Variants in GLIS2 observed in about 807,000 individuals in gnomAD.
GLIS2 encodes GLIS family zinc finger 2.
Under a neutral mutation model 35.6 loss-of-function variants are expected in GLIS2, and 14 were observed. The observed-to-expected ratio is 0.39, with a 90% CI of 0.26 to 0.61. The LOEUF (loss-of-function observed/expected upper bound fraction) is 0.61, where lower values mean the gene tolerates loss of function less well. Among genes scored for constraint, GLIS2 ranks in the 20% least tolerant of loss-of-function variants. GLIS2 has a pLI of 0.48. For synonymous variants in GLIS2, 368 were observed against 325.1 expected, an observed-to-expected ratio of 1.13 and a Z score of -1.42; for missense variants, 675 against 713.4, an observed-to-expected ratio of 0.95 and a Z score of 0.61.
chr16:4,327,619 G>T (rs1160929509), intron 1 of GLIS2, among the ~76,000 whole-genome samples: 1 of 152,112 alleles, frequency 6.6e-6, no homozygotes, highest in Admixed American at 6.5e-5. Context: ...TGCTCGGGCT[G>T]CGGTCGGGCA....
In GLIS2 at chr16:4,332,034, C is replaced by CT. The variant is rs1166880693; in HGVS notation, c.-66-180dup. ...CTCATGGGAAGCAGATGCGGAATCT[C>CT]TGAGGAGGCTGTTGGCTCTCCCCCC... On this transcript the variant is annotated intron_variant, in intron 1 of 6. Coordinates refer to ENST00000433375, the MANE Select transcript of GLIS2 (RefSeq NM_032575.3). This position sits in a 1 kb window ranked among gnomAD's most constrained non-coding sequence, Gnocchi z 5.4. Among the ~76,000 whole-genome samples, 1 of 152,202 alleles carries CT rather than the reference C, an allele frequency of 6.6e-6. No homozygotes were observed. The highest frequency in any genetic ancestry group is 1.5e-5 in the Non-Finnish European group (1 of 68,022).
At chr16:4,326,113 T>C (rs967714222) in intron 1 of GLIS2, among the ~76,000 whole-genome samples, 17 of 151,714 alleles carry the variant, frequency 1.1e-4, no homozygotes, top group African/African-American at 2.4e-4. Context: ...GGTGTGGTGG[T>C]GGGCGCCTGT....
In GLIS2 at chr16:4,335,741, A is replaced by C; in HGVS notation, c.775+348A>C. On this transcript the variant is annotated intron_variant, in intron 6 of 6. Coordinates refer to ENST00000433375, the MANE Select transcript of GLIS2 (RefSeq NM_032575.3). This position sits in a 1 kb window ranked among gnomAD's most constrained non-coding sequence, Gnocchi z 4.6. Reference sequence around the variant, plus strand: ...ACAGCTCTGGTTGTCAGAGCCACAGACATAATTTTACATTTCCTAATCGCT... The same window carrying C: ...ACAGCTCTGGTTGTCAGAGCCACAGCCATAATTTTACATTTCCTAATCGCT... The C allele has an allele frequency of 3.2e-6, 1 of 312,286 alleles. No homozygotes were observed. Among genetic ancestry groups the C allele is most frequent in the Non-Finnish European group, 6.0e-6 (1 of 165,328 alleles). 19.3% of individuals were successfully genotyped at this position (312,286 alleles called of 1,614,324 possible).
chr16:4,334,599 C>A (rs2053530525), intron 3 of GLIS2, among the ~76,000 whole-genome samples: 1 of 151,458 alleles, frequency 6.6e-6, no homozygotes, highest in Admixed American at 6.6e-5. Context: ...GGTGTTGGGC[C>A]CACCCTAATC....
rs1368721561 is a variant in GLIS2 at position 4,337,167 on chromosome 16, C to T, written c.1218C>T (p.Val406=). 12 of 1,541,592 alleles carry T rather than the reference C, an allele frequency of 7.8e-6. No individual in the cohort carries two copies. In the South Asian group the frequency reaches 1.3e-4, roughly 17 times the overall value. ...TGGGCCCTGGGCTGCCAGGCCCCGT[C>T]CTGCCTCTCAATCTGGCCAAGAACC... ...GGMGPGLPGP[V]LPLNLAKNPL... is the part of the protein sequence containing the mutation. Residue 406 remains valine (V), a synonymous_variant, in exon 7 of 7, where the codon GTC becomes GTT. Transcript: ENST00000433375.
rs755160506 is a variant in GLIS2 at position 4,336,912 on chromosome 16, G to C, written c.963G>C (p.Val321=). Residue 321 remains valine (V), a synonymous_variant, in exon 7 of 7, where the codon GTG becomes GTC. Coordinates refer to ENST00000433375, the MANE Select transcript of GLIS2 (RefSeq NM_032575.3). ...RKHIKAHGHF[V]SHEQQELLQL... is the part of the protein sequence containing the mutation. ...ACATCAAGGCCCATGGCCACTTTGT[G>C]TCCCACGAGCAGCAAGAGCTCCTGC... is the stretch of plus-strand genomic sequence containing the variant. The C allele has an allele frequency of 5.0e-6, 8 of 1,612,880 alleles. No individual in the cohort carries two copies. In the East Asian group the frequency reaches 1.8e-4, roughly 36 times the overall value.
rs372389371 is a variant in GLIS2 at position 4,332,273 on chromosome 16, C to T, written c.-8C>T. The T allele has an allele frequency of 1.2e-6, 2 of 1,611,796 alleles. No homozygotes were observed. The highest frequency in any genetic ancestry group is 8.5e-7 in the Non-Finnish European group (1 of 1,179,652). ...CCTGCTGCCACCTCCAACTCCGGCC[C>T]CCTCACCATGCACTCCCTGGACGAG... On this transcript the variant is annotated 5_prime_UTR_variant, in exon 2 of 7. Coordinates refer to ENST00000433375, the MANE Select transcript of GLIS2 (RefSeq NM_032575.3). This position sits in a 1 kb window ranked among gnomAD's most constrained non-coding sequence, Gnocchi z 5.4.
chr16:4,325,824 C>G (rs1263178281), intron 1 of GLIS2, among the ~76,000 whole-genome samples: 1 of 148,964 alleles, frequency 6.7e-6, no homozygotes, highest in Admixed American at 6.8e-5. Flanking sequence ...GTGGTCCTAG[C>G]TGCTCTGCAG....
rs532790910 is a variant in GLIS2, at chr16:4,319,563, G to A, written c.-67+3309G>A. On this transcript the variant is annotated intron_variant, in intron 1 of 6. Coordinates refer to ENST00000433375, the MANE Select transcript of GLIS2 (RefSeq NM_032575.3). ...TGGGTGTGGGGACCACAGCCCTAGC[G>A]AGTCTCCCGGGCCACATCTGCCTCT... 2.2e-4 allele frequency among the ~76,000 whole-genome samples: 33 copies of A among 152,278 alleles called. No individual in the cohort carries two copies. The East Asian group carries it at 3.3e-3, about 15-fold the overall frequency.
In GLIS2 at chr16:4,337,332, C is replaced by CA. The variant is rs1294806005; in HGVS notation, c.1385dup (p.Thr463AspfsTer4). ...CCAGGGCCCTGGGCATGGAGGGCCA[C>CA]AAGACGCCCCTTGAAAGGACGGAGA... On this transcript the variant is annotated frameshift_variant, in exon 7 of 7. Transcript: ENST00000433375. LOFTEE classifies it high-confidence loss of function. 1 of 1,583,472 alleles carries CA rather than the reference C, an allele frequency of 6.3e-7. No individual in the cohort carries two copies. Among genetic ancestry groups the CA allele is most frequent in the Admixed American group, 1.8e-5 (1 of 56,904 alleles).
chr16:4,333,175 G>C (rs1377156396), intron 2 of GLIS2, among the ~76,000 whole-genome samples, 172 bp from the exon 3 acceptor site: 2 of 152,158 alleles, frequency 1.3e-5, no homozygotes, highest in African/African-American at 4.8e-5. Flanking sequence ...GCTCAGAGGT[G>C]GTGGGTGGTG....
At chr16:4,318,061 C>G (rs1433386821) in intron 1 of GLIS2, among the ~76,000 whole-genome samples, 2 of 152,198 alleles carry the variant, frequency 1.3e-5, no homozygotes, top group Admixed American at 6.5e-5. Context: ...CAGTCCCTCC[C>G]TCACCAATGG....
At chr16:4,319,815 C>T (rs1336970896) in intron 1 of GLIS2, among the ~76,000 whole-genome samples, 3 of 152,160 alleles carry the variant, frequency 2.0e-5, no homozygotes, top group African/African-American at 4.8e-5. Flanking sequence ...CTCCTGGCTC[C>T]GGCTTAGCCC....
In GLIS2 at chr16:4,332,333, G is replaced by T; in HGVS notation, c.53G>T (p.Arg18Leu). Residue 18 changes from arginine (R) to leucine (L), a missense_variant, in exon 2 of 7, where the codon CGG (arginine) becomes CTG (leucine). By Grantham distance (102) the Arg-to-Leu change is moderately radical. Coordinates refer to ENST00000433375, the MANE Select transcript of GLIS2 (RefSeq NM_032575.3). This position sits in a 1 kb window ranked among gnomAD's most constrained non-coding sequence, Gnocchi z 5.4. ...CTGAAGCTGAGTATCACCAAGCTCC[G>T]GGCGGCAAGAGAGAAGCGGGAGAGG... ...LDLKLSITKL[R>L]AAREKRERTL... The T allele has an allele frequency of 6.2e-7, 1 of 1,613,220 alleles. No homozygotes were observed. Among genetic ancestry groups the T allele is most frequent in the African/African-American group, 1.3e-5 (1 of 75,036 alleles).
intron 1 of GLIS2, chr16:4,331,560 G>A (rs759542772): frequency 1.8e-4 from 27 of 153,570 alleles, no homozygotes; most frequent in African/African-American, 4.1e-4. Flanking sequence ...CTCTAGCGCC[G>A]CCGGATTAGT....
chr16:4,332,210 C>A lies in GLIS2; in HGVS notation c.-66-5C>A. 1 of 1,559,436 alleles carries A rather than the reference C, an allele frequency of 6.4e-7. No homozygotes were observed. The highest frequency in any genetic ancestry group is 2.3e-5 in the East Asian group (1 of 42,770). On this transcript the variant is annotated splice_region_variant and splice_polypyrimidine_tract_variant and intron_variant, in intron 1 of 6. Transcript: ENST00000433375. The surrounding 1 kb of genome is among the most constrained non-coding windows in gnomAD (Gnocchi z 5.4). Reference sequence around the variant, plus strand: ...TGCCACAGCACAGCTCCTGTCCTTCCCCAGGTTCCTGCGTGAAGACCAGCT... The same window carrying A: ...TGCCACAGCACAGCTCCTGTCCTTCACCAGGTTCCTGCGTGAAGACCAGCT...
rs2141136438 is a variant in GLIS2, at chr16:4,338,360, G to C, written c.*836G>C. 1 of 152,482 alleles carries C rather than the reference G, an allele frequency of 6.6e-6. No individual in the cohort carries two copies. The highest frequency in any genetic ancestry group is 1.5e-5 in the Non-Finnish European group (1 of 68,120). 9.4% of individuals were successfully genotyped at this position (152,482 alleles called of 1,614,324 possible). A position where few individuals can be genotyped will look rare whatever the true frequency, so the allele number is the denominator to read the frequency against. On this transcript the variant is annotated 3_prime_UTR_variant, in exon 7 of 7. Transcript: ENST00000433375. ...AGTGACCTGGGCCCTGGCTCAGGGAGCATGTGGGGCCAGGCCCAGCGCCCC... is the reference window on the plus strand; with the variant it reads ...AGTGACCTGGGCCCTGGCTCAGGGACCATGTGGGGCCAGGCCCAGCGCCCC...
rs183893056 is a variant in GLIS2 at position 4,329,408 on chromosome 16, G to A, written c.-66-2807G>A. Among the ~76,000 whole-genome samples the A allele has an allele frequency of 4.4e-3, 670 of 152,334 alleles. 5 individuals carry two copies. The highest frequency in any genetic ancestry group is 6.7e-3 in the Non-Finnish European group (455 of 68,032). ...CTGACAGCTCCAACAGGGGCGAATC[G>A]CAGACCTAGGTCCCACGGCCTAGTG... On this transcript the variant is annotated intron_variant, in intron 1 of 6. Coordinates refer to ENST00000433375, the MANE Select transcript of GLIS2 (RefSeq NM_032575.3).
In GLIS2 at chr16:4,337,833, C is replaced by G; in HGVS notation, c.*309C>G. 1.9e-6 allele frequency: 1 copy of G among 534,366 alleles called. No individual in the cohort carries two copies. Among genetic ancestry groups the G allele is most frequent in the Non-Finnish European group, 3.4e-6 (1 of 294,056 alleles). 33.1% of individuals were successfully genotyped at this position (534,366 alleles called of 1,614,324 possible). A position where few individuals can be genotyped will look rare whatever the true frequency, so the allele number is the denominator to read the frequency against. On this transcript the variant is annotated 3_prime_UTR_variant, in exon 7 of 7. Coordinates refer to ENST00000433375, the MANE Select transcript of GLIS2 (RefSeq NM_032575.3). Reference sequence around the variant, plus strand: ...CCCGACCTCCTCCCGTTTCCCTCTCCCACCCTGGCACCTCCCTCACCTAGT... The same window carrying G: ...CCCGACCTCCTCCCGTTTCCCTCTCGCACCCTGGCACCTCCCTCACCTAGT...
Sources: allele counts gnomAD v4.1 joint callset (sites outside exome capture counted in the v4.1 genomes callset), GRCh38; gene constraint gnomAD v4.1.1; non-coding constraint Gnocchi (gnomAD v3.1); transcripts MANE v1.5; gene names NCBI Gene and HGNC (gene_info 2026-07-23, HGNC 2026-07-21).